Variants in PSPC1 observed in about 807,000 individuals in gnomAD.
The protein encoded by PSPC1 is paraspeckle protein 1.
In PSPC1, 14 loss-of-function variants were observed where a neutral mutation model predicts 51.6. The observed-to-expected ratio is 0.27, with a 90% CI of 0.18 to 0.42. The LOEUF is 0.42. PSPC1 is among the 10% of genes least tolerant of loss of function. The probability of loss-of-function intolerance (pLI) is 1.00; values close to 1 mark genes in which losing one functional copy is unlikely to be tolerated. For synonymous variants in PSPC1, 193 were observed against 231.9 expected, an observed-to-expected ratio of 0.83 and a Z score of 1.53; for missense variants, 406 against 701.1, an observed-to-expected ratio of 0.58 and a Z score of 4.75.
chr13:19,678,001 C>G (rs1284282263), intron 6 of PSPC1: 5 of 327,374 alleles, frequency 1.5e-5, no homozygotes. Flanking sequence ...ATTCAAAATA[C>G]TCTCCATTTC....
At chr13:19,777,602 G>A (rs375166447) in intron 1 of PSPC1, among the ~76,000 whole-genome samples, 20 of 152,004 alleles carry the variant, frequency 1.3e-4, no homozygotes, top group African/African-American at 3.1e-4. Flanking sequence ...AATAGTTTGC[G>A]AATATTTACC....
chr13:19,756,512 T>C (rs537590244), intron 3 of PSPC1, among the ~76,000 whole-genome samples: 1 of 152,100 alleles, frequency 6.6e-6, no homozygotes, highest in Admixed American at 6.6e-5. Context: ...GAAAACCTTT[T>C]TTTTTTTGAG....
At chr13:19,688,313 A>G (rs1878165151) in intron 6 of PSPC1, among the ~76,000 whole-genome samples, 1 of 152,154 alleles carries the variant, frequency 6.6e-6, no homozygotes, top group African/African-American at 2.4e-5. Flanking sequence ...GGTGATTCTT[A>G]CAGATAATAC....
At position 19,753,037 on chromosome 13, in the gene PSPC1, CT is replaced by C. The variant is rs757718796; in HGVS notation, c.771-1571del. On this transcript the variant is annotated intron_variant, in intron 3 of 8. Transcript: ENST00000338910. The stretch of plus-strand genomic sequence containing the variant: ...GTAGGTCACACTTGTAATCCCAGCC[CT>C]TTGGGAGGCTGAGACAGGCGGATCA... 2.0e-5 allele frequency among the ~76,000 whole-genome samples: 3 copies of C among 151,514 alleles called. 1 individual carries two copies. Among genetic ancestry groups the C allele is most frequent in the Non-Finnish European group, 1.5e-5 (1 of 67,940 alleles).
At chr13:19,742,663 T>C (rs2138049396) in intron 4 of PSPC1, among the ~76,000 whole-genome samples, 2 of 152,138 alleles carry the variant, frequency 1.3e-5, no homozygotes, top group South Asian at 4.2e-4. Context: ...CACTTGAATA[T>C]GGGAGGCGGA....
chr13:19,689,260 GAA>G (rs1431109729), intron 6 of PSPC1, among the ~76,000 whole-genome samples: 1 of 152,108 alleles, frequency 6.6e-6, no homozygotes, highest in Non-Finnish European at 1.5e-5. Context: ...AGCCTAGAGT[GAA>G]GACAAAAGCA....
chr13:19,683,218 A>C (rs1448271271), intron 6 of PSPC1, among the ~76,000 whole-genome samples: 1 of 152,256 alleles, frequency 6.6e-6, no homozygotes, highest in Non-Finnish European at 1.5e-5. Flanking sequence ...AAGAGTGTTC[A>C]TAGTAGCTTT....
At chr13:19,691,889 G>C (rs1878601336) in intron 6 of PSPC1, among the ~76,000 whole-genome samples, 1 of 152,108 alleles carries the variant, frequency 6.6e-6, no homozygotes, top group Non-Finnish European at 1.5e-5. Flanking sequence ...CTGTACCCTA[G>C]ACTGAGTGAC....
intron 6 of PSPC1, among the ~76,000 whole-genome samples, chr13:19,717,054 C>T (rs897479300): frequency 6.7e-6 from 1 of 150,126 alleles, no homozygotes; most frequent in Non-Finnish European, 1.5e-5. Context: ...AGCAAGACTG[C>T]ATCTCAAAAA....
intron 1 of PSPC1, among the ~76,000 whole-genome samples, chr13:19,777,894 C>G (rs76565426): frequency 2.0e-5 from 3 of 151,550 alleles, no homozygotes; most frequent in Non-Finnish European, 4.4e-5. Context: ...TGCAGTGAGT[C>G]GAGATCGCGC....
chr13:19,773,562 T>G (rs1465547601), intron 1 of PSPC1, among the ~76,000 whole-genome samples: 1 of 152,070 alleles, frequency 6.6e-6, no homozygotes, highest in African/African-American at 2.4e-5. Flanking sequence ...TAACAAAACA[T>G]CCCACCTCTC....
intron 4 of PSPC1, among the ~76,000 whole-genome samples, chr13:19,745,765 G>A (rs1413470202): frequency 2.0e-5 from 3 of 151,442 alleles, no homozygotes; most frequent in South Asian, 2.1e-4. Context: ...GACTACAGGC[G>A]CATGCCACCA....
downstream of PSPC1, among the ~76,000 whole-genome samples, chr13:19,701,790 T>C (rs922787402): frequency 6.6e-6 from 1 of 152,238 alleles, no homozygotes; most frequent in Non-Finnish European, 1.5e-5. Context: ...AAGCATGATA[T>C]AGCAAACCAT....
At chr13:19,760,326 G>GA (rs1023803620) in intron 2 of PSPC1, among the ~76,000 whole-genome samples, 3 of 151,998 alleles carry the variant, frequency 2.0e-5, no homozygotes, top group Non-Finnish European at 4.4e-5. Flanking sequence ...TCAAGAGTTT[G>GA]AGACCAACAT....
intron 5 of PSPC1, among the ~76,000 whole-genome samples, chr13:19,736,450 G>C (rs922563514): frequency 4.6e-5 from 7 of 152,126 alleles, no homozygotes; most frequent in Middle Eastern, 3.4e-3. Context: ...TTGGGAGGCC[G>C]AGGCGGGCGG....
intron 6 of PSPC1, among the ~76,000 whole-genome samples, chr13:19,723,146 A>T (rs1461712911): frequency 6.6e-6 from 1 of 152,222 alleles, no homozygotes; most frequent in East Asian, 1.9e-4. Context: ...ATTTTAATGA[A>T]AAAGATGACA....
exon 7 of PSPC1, chr13:19,677,763 C>T: frequency 2.1e-6 from 1 of 482,340 alleles, no homozygotes; most frequent in Admixed American, 2.2e-5. Flanking sequence ...GGTCTTAACT[C>T]TTCTGAATTA....
intron 6 of PSPC1, among the ~76,000 whole-genome samples, chr13:19,724,099 C>T (rs1883079874): frequency 6.6e-6 from 1 of 152,146 alleles, no homozygotes; most frequent in Non-Finnish European, 1.5e-5. Flanking sequence ...TGTTTGAATG[C>T]TTCAGAAGTT....
At chr13:19,681,419 GAAGT>G (rs551172185) in intron 6 of PSPC1, among the ~76,000 whole-genome samples, 2 of 151,798 alleles carry the variant, frequency 1.3e-5, no homozygotes, top group South Asian at 2.1e-4. Flanking sequence ...ATATATAATA[GAAGT>G]AAGTCCTAAG....
Sources: allele counts gnomAD v4.1 joint callset (sites outside exome capture counted in the v4.1 genomes callset), GRCh38; gene constraint gnomAD v4.1.1; transcripts MANE v1.5; gene names NCBI Gene and HGNC (gene_info 2026-07-23, HGNC 2026-07-21).